Variants in PLD1 observed in about 807,000 individuals in gnomAD.
The protein encoded by PLD1 is phospholipase D1.
PLD1 carries 112 observed loss-of-function variants against 137.1 expected under a neutral mutation model. The observed-to-expected ratio is 0.82, with a 90% CI of 0.70 to 0.96. The LOEUF is 0.96. PLD1 is among the 40% of genes least tolerant of loss of function. PLD1 has a pLI of 0.00. For synonymous variants in PLD1, 431 were observed against 454.7 expected (o/e 0.95, Z 0.66); for missense variants, 1,321 against 1,342.0 (o/e 0.98, Z 0.24).
chr3:171,747,216 G>A (rs909823894), intron 1 of PLD1, among the ~76,000 whole-genome samples: 5 of 152,128 alleles, frequency 3.3e-5, no homozygotes, highest in Admixed American at 6.5e-5. Context: ...AAGGGTCTGC[G>A]GCTTCATTCG....
At chr3:171,684,958 G>T (rs1445436050) in intron 16 of PLD1, among the ~76,000 whole-genome samples, 2 of 152,176 alleles carry the variant, frequency 1.3e-5, no homozygotes, top group Non-Finnish European at 2.9e-5. Flanking sequence ...CAGTTACACT[G>T]AAGTTTTAGT....
chr3:171,625,134 C>T (rs147738650), intron 23 of PLD1, among the ~76,000 whole-genome samples: 110 of 152,228 alleles, frequency 7.2e-4, no homozygotes, highest in South Asian at 1.2e-3. Flanking sequence ...CCTGGAAAAT[C>T]GGGTCACTCC....
At chr3:171,689,827 T>A (rs2108515128) in intron 13 of PLD1, among the ~76,000 whole-genome samples, 1 of 152,364 alleles carries the variant, frequency 6.6e-6, no homozygotes, top group East Asian at 1.9e-4. Flanking sequence ...TAACACATTT[T>A]TTAAAAATTG....
In PLD1 at chr3:171,603,041, C is replaced by T. The variant is rs1035637276; in HGVS notation, c.*37G>A. The T allele has an allele frequency of 6.8e-7, 1 of 1,470,714 alleles. No homozygotes were observed. Among genetic ancestry groups the T allele is most frequent in the African/African-American group, 1.4e-5 (1 of 72,010 alleles). The allele number at this position is 1,470,714 out of a possible 1,614,324, so 91.1% of individuals were successfully genotyped here. Reference sequence around the variant, plus strand: ...GAAGTCACTGTGTGCAGTGTGGTCTCCAGGGTGGAAGTCTTTGAGCTGCCA... The same window carrying T: ...GAAGTCACTGTGTGCAGTGTGGTCTTCAGGGTGGAAGTCTTTGAGCTGCCA... On this transcript the variant is annotated 3_prime_UTR_variant, in exon 27 of 27. Transcript: ENST00000351298.
intron 1 of PLD1, among the ~76,000 whole-genome samples, chr3:171,764,341 T>C (rs968121103): frequency 7.2e-5 from 11 of 152,196 alleles, no homozygotes; most frequent in Admixed American, 3.9e-4. Flanking sequence ...GTATGGGGCA[T>C]TATGATAAGC....
intron 19 of PLD1, among the ~76,000 whole-genome samples, chr3:171,665,005 C>G (rs1711961752): frequency 6.6e-6 from 1 of 152,128 alleles, no homozygotes; most frequent in Admixed American, 6.5e-5. Context: ...AGTTTATAAC[C>G]CACCCTTGCT....
chr3:171,698,401 TG>T (rs1715948115), intron 12 of PLD1, among the ~76,000 whole-genome samples: 1 of 152,242 alleles, frequency 6.6e-6, no homozygotes, highest in African/African-American at 2.4e-5. Context: ...TTTGGCAGAA[TG>T]TGTTTCAAAT....
chr3:171,772,167 T>C lies in PLD1; in HGVS notation c.-31-34085A>G, dbSNP rs565794839. On this transcript the variant is annotated intron_variant, in intron 1 of 26. Transcript: ENST00000351298. ...AGAACATCAGCTTTTTAACACAATGTGTTCACAGTATACTTATTTTCCCCT... is the reference window on the plus strand; with the variant it reads ...AGAACATCAGCTTTTTAACACAATGCGTTCACAGTATACTTATTTTCCCCT... Among the ~76,000 whole-genome samples the C allele has an allele frequency of 1.4e-4, 21 of 152,360 alleles. No individual in the cohort carries two copies. In the South Asian group the frequency reaches 4.1e-3, roughly 30 times the overall value.
chr3:171,735,136 T>C (rs1399892745), intron 4 of PLD1, among the ~76,000 whole-genome samples, 166 bp from the exon 5 acceptor site: 1 of 152,146 alleles, frequency 6.6e-6, no homozygotes, highest in African/African-American at 2.4e-5. Context: ...CACTTTTTAT[T>C]TATTTATTTT....
At chr3:171,752,532 C>A (rs1720737683) in intron 1 of PLD1, among the ~76,000 whole-genome samples, 1 of 152,196 alleles carries the variant, frequency 6.6e-6, no homozygotes, top group African/African-American at 2.4e-5. Flanking sequence ...GTTACATCTC[C>A]ATGGCAAACA....
chr3:171,627,677 A>G (rs1734247384), intron 23 of PLD1, among the ~76,000 whole-genome samples: 2 of 152,266 alleles, frequency 1.3e-5, no homozygotes, highest in African/African-American at 4.8e-5. Flanking sequence ...ACCATAGTGC[A>G]ATCAAAGTAG....
intron 1 of PLD1, among the ~76,000 whole-genome samples, chr3:171,780,886 C>T (rs1368877207): frequency 6.6e-6 from 1 of 152,190 alleles, no homozygotes; most frequent in Non-Finnish European, 1.5e-5. Context: ...TTCTGTTCTC[C>T]ACAAACTGAT....
Position 171,612,326 on chromosome 3 carries a change from C to T in PLD1, c.2835G>A (p.Glu945=), listed in dbSNP as rs761515837. ...CTCGGGCAAACCGGCCAGCTTGGTACTCTTTTCCATCCATTACTGAAGGAA... is the reference window on the plus strand; with the variant it reads ...CTCGGGCAAACCGGCCAGCTTGGTATTCTTTTCCATCCATTACTGAAGGAA... ...ETVPSVMDGK[E]YQAGRFARGL... Residue 945 remains glutamate (E), a synonymous_variant, in exon 25 of 27, where the codon GAG becomes GAA. Transcript: ENST00000351298. This position sits in a 1 kb window ranked among gnomAD's most constrained non-coding sequence, Gnocchi z 4.1. The T allele has an allele frequency of 1.2e-6, 2 of 1,614,172 alleles. No homozygotes were observed. Among genetic ancestry groups the T allele is most frequent in the Non-Finnish European group, 1.7e-6 (2 of 1,180,006 alleles).
intron 24 of PLD1, among the ~76,000 whole-genome samples, chr3:171,617,419 T>C (rs975105630): frequency 2.0e-5 from 3 of 152,172 alleles, no homozygotes; most frequent in African/African-American, 7.2e-5. Context: ...GTGTTTCTGC[T>C]CTCATATGGA....
chr3:171,794,099 G>A (rs1371993836), intron 1 of PLD1, among the ~76,000 whole-genome samples: 4 of 150,794 alleles, frequency 2.7e-5, no homozygotes, highest in East Asian at 1.9e-4. Context: ...AGCCGAGATC[G>A]TGCCACTGCA....
intron 13 of PLD1, among the ~76,000 whole-genome samples, chr3:171,689,261 G>A (rs988334389): frequency 6.6e-6 from 1 of 151,984 alleles, no homozygotes; most frequent in African/African-American, 2.4e-5. Flanking sequence ...CTGGAAAAAT[G>A]TGTAATGAAT....
At chr3:171,639,526 T>G (rs1735469254) in intron 23 of PLD1, among the ~76,000 whole-genome samples, 1 of 88,474 alleles carries the variant, frequency 1.1e-5, no homozygotes, top group East Asian at 2.8e-4. Context: ...TATATTCATA[T>G]AATATATATT....
chr3:171,656,404 CAG>C (rs2108420797), intron 21 of PLD1, among the ~76,000 whole-genome samples: 1 of 152,236 alleles, frequency 6.6e-6, no homozygotes, highest in Non-Finnish European at 1.5e-5. Context: ...CTCCTGACCT[CAG>C]GTGATCCACC....
In PLD1 at chr3:171,610,737, TCTC is replaced by T. The variant is rs1237588347; in HGVS notation, c.2882+1539_2882+1541del. ...ATTAGCAGGGTACCAATTTTTAAATTCTCCTCTGCTAAACAAAACAAATTACCA... is the reference window on the plus strand; with the variant it reads ...ATTAGCAGGGTACCAATTTTTAAATTCTCTGCTAAACAAAACAAATTACCA... On this transcript the variant is annotated intron_variant, in intron 25 of 26. Transcript: ENST00000351298. Among the ~76,000 whole-genome samples, 3 of 152,216 alleles carry T rather than the reference TCTC, an allele frequency of 2.0e-5. No homozygotes were observed. In the South Asian group the frequency reaches 6.2e-4, roughly 31 times the overall value.
Sources: gnomAD v4.1 joint callset for allele counts (sites outside exome capture counted in the v4.1 genomes callset) on GRCh38, gnomAD v4.1.1 for gene constraint, Gnocchi (gnomAD v3.1) non-coding constraint, MANE v1.5 for transcripts, NCBI Gene and HGNC (gene_info 2026-07-23, HGNC 2026-07-21) for gene names.